The following DZIP1L variants were observed in gnomAD, a reference collection of about 807,000 sequenced individuals.
DZIP1L encodes the protein DAZ interacting zinc finger protein 1 like, also known as cilium assembly protein DZIP1L.
A neutral mutation model predicts 88.7 loss-of-function variants in DZIP1L; 90 were observed. The ratio of observed to expected loss-of-function variants is 1.02; its 90% CI spans 0.86 to 1.21. DZIP1L has a LOEUF of 1.21. Among genes scored for constraint, DZIP1L ranks in the 50% most tolerant of loss-of-function variants. DZIP1L has a pLI of 0.00. For missense variants in DZIP1L, 932 were observed against 955.8 expected, an observed-to-expected ratio of 0.98 and a Z score of 0.33; for synonymous variants, 363 against 372.1, an observed-to-expected ratio of 0.98 and a Z score of 0.28.
intron 2 of DZIP1L, among the ~76,000 whole-genome samples, chr3:138,100,302 C>CTAGG (rs1319383198): frequency 6.6e-6 from 1 of 152,200 alleles, no homozygotes; most frequent in African/African-American, 2.4e-5. Context: ...CACTAAGGTG[C>CTAGG]TAGGAGATGT....
chr3:138,081,021 G>A (rs1943621777), intron 9 of DZIP1L, among the ~76,000 whole-genome samples: 1 of 152,152 alleles, frequency 6.6e-6, no homozygotes, highest in African/African-American at 2.4e-5. Flanking sequence ...AGAAGTTCAG[G>A]GCCACAGGGG....
rs556099207 is a variant in DZIP1L at position 138,067,933 on chromosome 3, G to C, written c.1832+218C>G. 2.6e-5 allele frequency among the ~76,000 whole-genome samples: 4 copies of C among 152,288 alleles called. No homozygotes were observed. In the East Asian group the frequency reaches 5.8e-4, roughly 22 times the overall value. ...GCCCCTCTGGAGGGGGAACGGGTTTGGGGGAGGACATGGGTAAGGGGAGGG... is the reference window on the plus strand; with the variant it reads ...GCCCCTCTGGAGGGGGAACGGGTTTCGGGGAGGACATGGGTAAGGGGAGGG... On this transcript the variant is annotated intron_variant, in intron 13 of 15. Coordinates refer to ENST00000327532, the MANE Select transcript of DZIP1L (RefSeq NM_173543.3).
chr3:138,092,384 T>A lies in DZIP1L; in HGVS notation c.869A>T (p.Glu290Val). ...NVAKQNSTLEEKLRALQSHSV... is the reference protein window; with the variant it reads ...NVAKQNSTLEVKLRALQSHSV... ...TAAAAAGCCTTTTATGTTGGGTACC[T>A]CTTCTAGTGTAGAGTTCTGCTTGGC... The change falls in exon 5 of 16, where the codon GAG becomes GTG. Residue 290 changes from glutamate (E) to valine (V), a missense_variant and splice_region_variant. Glu to Val is a moderately radical substitution (Grantham distance 121). Coordinates refer to ENST00000327532, the MANE Select transcript of DZIP1L (RefSeq NM_173543.3). 2 of 1,554,274 alleles carry A rather than the reference T, an allele frequency of 1.3e-6. No homozygotes were observed. The highest frequency in any genetic ancestry group is 2.8e-5 in the African/African-American group (2 of 71,748).
chr3:138,105,839 T>C (rs1304835100), intron 1 of DZIP1L, among the ~76,000 whole-genome samples: 1 of 152,146 alleles, frequency 6.6e-6, no homozygotes, highest in Non-Finnish European at 1.5e-5. Context: ...TTCACTTATG[T>C]ATATTATTTC....
chr3:138,068,926 T>C, intron 12 of DZIP1L: 1 of 1,250,942 alleles, frequency 8.0e-7, no homozygotes, highest in Non-Finnish European at 1.0e-6. Context: ...GATCAGCAAG[T>C]TTTTATGGGA....
intron 5 of DZIP1L, 167 bp from the exon 6 acceptor site, chr3:138,088,674 T>C: frequency 7.9e-7 from 1 of 1,272,946 alleles, no homozygotes; most frequent in East Asian, 3.0e-5. Flanking sequence ...CAGCATTCCC[T>C]TCACAAGGGC....
At chr3:138,073,084 G>A (rs1030726480) in intron 11 of DZIP1L, among the ~76,000 whole-genome samples, 3 of 152,042 alleles carry the variant, frequency 2.0e-5, no homozygotes, top group Admixed American at 1.3e-4. Context: ...TCCTGCACCC[G>A]CCCTGGTAGC....
At position 138,084,166 on chromosome 3, in the gene DZIP1L, G is replaced by T. The variant is rs1159594137; in HGVS notation, c.1150C>A (p.Leu384Ile). 1 of 1,614,192 alleles carries T rather than the reference G, an allele frequency of 6.2e-7. No homozygotes were observed. Among genetic ancestry groups the T allele is most frequent in the South Asian group, 1.1e-5 (1 of 91,084 alleles). The change falls in exon 8 of 16, where the codon CTC becomes ATC. Residue 384 changes from leucine to isoleucine, a missense_variant. Physicochemically the swap from Leu to Ile is conservative, Grantham distance 5. Coordinates refer to ENST00000327532, the MANE Select transcript of DZIP1L (RefSeq NM_173543.3). ...GCTTGTTCCTGCAGCTGGGCACGGA[G>T]GGTGCTGATCTGGCACTGGGACTGG... Reference protein sequence around the residue: ...AAQSQCQISTLRAQLQEQARI... With the variant: ...AAQSQCQISTIRAQLQEQARI...
chr3:138,092,448 T>C lies in DZIP1L; in HGVS notation c.805A>G (p.Lys269Glu), dbSNP rs767229944. The C allele has an allele frequency of 1.4e-5, 22 of 1,607,342 alleles. No individual in the cohort carries two copies. The Admixed American group carries it at 3.7e-4, about 27-fold the overall frequency. Residue 269 changes from lysine (K) to glutamate (E), a missense_variant, in exon 5 of 16, where the codon AAA becomes GAA. Lys to Glu is a moderately conservative substitution (Grantham distance 56). Transcript: ENST00000327532. ...TCATCCCAAAATAATTTTTTTAGTT[T>C]ATCTATTTCCCCATAAAGTTTGGTC... ...EWTKLYGEIDKLKKLFWDEFK... is the reference protein window; with the variant it reads ...EWTKLYGEIDELKKLFWDEFK...
chr3:138,114,496 C>G (rs1225170196), intron 1 of DZIP1L, among the ~76,000 whole-genome samples: 2 of 152,202 alleles, frequency 1.3e-5, no homozygotes, highest in African/African-American at 2.4e-5. Context: ...ATTGTTCTCA[C>G]TGGCCAGTCC....
chr3:138,085,092 T>C (rs1158037288), intron 7 of DZIP1L, among the ~76,000 whole-genome samples: 2 of 152,122 alleles, frequency 1.3e-5, no homozygotes, highest in Non-Finnish European at 2.9e-5. Flanking sequence ...TTACACCTTA[T>C]ACAAAAATTA....
At chr3:138,073,694 A>C (rs1317470699) in intron 11 of DZIP1L, among the ~76,000 whole-genome samples, 3 of 152,198 alleles carry the variant, frequency 2.0e-5, no homozygotes, top group Non-Finnish European at 2.9e-5. Flanking sequence ...GCTCACCAGC[A>C]ATGGATCCAA....
chr3:138,075,615 G>A (rs1943369754), intron 11 of DZIP1L, among the ~76,000 whole-genome samples: 1 of 152,224 alleles, frequency 6.6e-6, no homozygotes, highest in Non-Finnish European at 1.5e-5. Context: ...AACGATAATA[G>A]TGACACAACC....
chr3:138,096,848 A>G (rs991711214), intron 3 of DZIP1L, among the ~76,000 whole-genome samples: 1 of 152,176 alleles, frequency 6.6e-6, no homozygotes, highest in Admixed American at 6.5e-5. Flanking sequence ...TTACATCTAT[A>G]TTTTGTGTTT....
intron 3 of DZIP1L, among the ~76,000 whole-genome samples, chr3:138,095,240 G>A (rs1043820477): frequency 2.0e-5 from 3 of 152,152 alleles, no homozygotes; most frequent in Admixed American, 6.5e-5. Flanking sequence ...ATAGTGTCTG[G>A]CACGACAGCT....
intron 2 of DZIP1L, chr3:138,101,978 G>A: frequency 6.5e-7 from 1 of 1,541,246 alleles, no homozygotes; most frequent in East Asian, 2.3e-5. Context: ...GCCGGCTGAT[G>A]TTCTGGTTCA....
intron 14 of DZIP1L, 30 bp downstream of exon 14, chr3:138,067,501 C>T: frequency 6.4e-7 from 1 of 1,564,284 alleles, no homozygotes; most frequent in Non-Finnish European, 8.6e-7. Flanking sequence ...CCGGTGGTCC[C>T]AGCCCACTCA....
At chr3:138,084,644 A>G (rs538516840) in intron 7 of DZIP1L, among the ~76,000 whole-genome samples, 1 of 152,362 alleles carries the variant, frequency 6.6e-6, no homozygotes, top group South Asian at 2.1e-4. Flanking sequence ...TTGCATAAAG[A>G]AACTTTAGAA....
intron 7 of DZIP1L, among the ~76,000 whole-genome samples, chr3:138,086,098 G>A (rs983641979): frequency 6.6e-6 from 1 of 151,668 alleles, no homozygotes; most frequent in Admixed American, 6.6e-5. Context: ...CACACTCTGG[G>A]GACTGTTGTG....
Sources: allele counts gnomAD v4.1 joint callset (sites outside exome capture counted in the v4.1 genomes callset), GRCh38; gene constraint gnomAD v4.1.1; transcripts MANE v1.5; gene names NCBI Gene and HGNC (gene_info 2026-07-23, HGNC 2026-07-21).